Variants in ENTREP2 observed in about 807,000 individuals in gnomAD.
ENTREP2 encodes the protein protein ENTREP2.
chr15:29,625,247 C>A, the ENTREP2 span, among the ~76,000 whole-genome samples: 3 of 151,864 alleles, frequency 2.0e-5, no homozygotes, highest in African/African-American at 7.3e-5. Flanking sequence ...TATGGATGAA[C>A]CAGTTTGTTC....
At chr15:29,615,383 T>A in the ENTREP2 span, among the ~76,000 whole-genome samples, 676 of 152,240 alleles carry the variant, frequency 4.4e-3, 6 homozygotes, top group African/African-American at 0.016. Flanking sequence ...CTCGAACTCC[T>A]GACCTCAGGT....
chr15:29,496,927 A>G, the ENTREP2 span, among the ~76,000 whole-genome samples: 1 of 152,194 alleles, frequency 6.6e-6, no homozygotes, highest in Admixed American at 6.5e-5. Flanking sequence ...ACAAGTTGGA[A>G]GATGTTCCTT....
chr15:29,388,950 A>T, the ENTREP2 span, among the ~76,000 whole-genome samples: 4 of 114,044 alleles, frequency 3.5e-5, no homozygotes, highest in Non-Finnish European at 6.7e-5. Flanking sequence ...AACATCACAC[A>T]CCGGGGCCTG....
At chr15:29,326,221 A>G in the ENTREP2 span, among the ~76,000 whole-genome samples, 1 of 152,198 alleles carries the variant, frequency 6.6e-6, no homozygotes, top group African/African-American at 2.4e-5. Flanking sequence ...TAGAAGTCCT[A>G]GCTAGTGCAA....
the ENTREP2 span, among the ~76,000 whole-genome samples, chr15:29,533,464 G>T: frequency 6.6e-6 from 1 of 152,186 alleles, no homozygotes; most frequent in African/African-American, 2.4e-5. Context: ...TAGACTCGGG[G>T]ATAAGAAATA....
the ENTREP2 span, among the ~76,000 whole-genome samples, chr15:29,548,869 T>C: frequency 6.6e-6 from 1 of 152,168 alleles, no homozygotes; most frequent in Non-Finnish European, 1.5e-5. Flanking sequence ...TCAGGGAACC[T>C]ACTGGCTCTG....
the ENTREP2 span, among the ~76,000 whole-genome samples, chr15:29,434,610 T>A: frequency 1.1e-4 from 17 of 151,956 alleles, no homozygotes; most frequent in African/African-American, 4.1e-4. Flanking sequence ...GAGAAAAGAA[T>A]CTCACTCTCG....
At chr15:29,566,244 C>A in the ENTREP2 span, among the ~76,000 whole-genome samples, 48 of 151,726 alleles carry the variant, frequency 3.2e-4, no homozygotes, top group Non-Finnish European at 6.8e-4. Flanking sequence ...CTGCAAGCTC[C>A]GCCTCCTGGG....
At chr15:29,525,987 T>G in the ENTREP2 span, among the ~76,000 whole-genome samples, 2 of 152,216 alleles carry the variant, frequency 1.3e-5, no homozygotes, top group Non-Finnish European at 2.9e-5. Context: ...CAAGTTTAAC[T>G]GATTTATTTC....
At chr15:29,465,927 A>G in the ENTREP2 span, among the ~76,000 whole-genome samples, 770 of 152,312 alleles carry the variant, frequency 5.1e-3, 7 homozygotes, top group African/African-American at 0.018. Context: ...TTGTGGCCTG[A>G]GATCTGGCAT....
the ENTREP2 span, among the ~76,000 whole-genome samples, chr15:29,126,769 C>T: frequency 1.3e-5 from 2 of 152,216 alleles, no homozygotes; most frequent in African/African-American, 2.4e-5. Context: ...GGTCACAAGA[C>T]GCTTTGGTCT....
chr15:29,341,749 G>C, the ENTREP2 span, among the ~76,000 whole-genome samples: 1 of 152,086 alleles, frequency 6.6e-6, no homozygotes, highest in African/African-American at 2.4e-5. Context: ...TCTGGGCCTG[G>C]AGCCTGCAGG....
the ENTREP2 span, among the ~76,000 whole-genome samples, chr15:29,438,550 T>C: frequency 6.6e-6 from 1 of 151,850 alleles, no homozygotes; most frequent in Non-Finnish European, 1.5e-5. Context: ...AGAGACCCCC[T>C]GAGGCCAGCC....
the ENTREP2 span, among the ~76,000 whole-genome samples, chr15:29,309,788 C>CAAAA: frequency 1.3e-4 from 15 of 118,288 alleles, no homozygotes; most frequent in African/African-American, 4.0e-4. Flanking sequence ...GACTCTGTCT[C>CAAAA]AAAAAAAAAA....
the ENTREP2 span, among the ~76,000 whole-genome samples, chr15:29,255,727 C>A: frequency 2.0e-5 from 3 of 152,128 alleles, no homozygotes; most frequent in East Asian, 5.8e-4. Context: ...CATGGCCAGG[C>A]GCGGTGGCTC....
chr15:29,662,211 CA>C, the ENTREP2 span, among the ~76,000 whole-genome samples: 5,302 of 46,866 alleles, frequency 0.11, 70 homozygotes, highest in African/African-American at 0.18. Context: ...AACCCTGTCG[CA>C]AAAAAAAAAA....
the ENTREP2 span, among the ~76,000 whole-genome samples, chr15:29,423,071 C>A: frequency 1.3e-5 from 2 of 152,086 alleles, no homozygotes; most frequent in Non-Finnish European, 2.9e-5. Context: ...CATAGTATAC[C>A]CTTTTCATGC....
the ENTREP2 span, among the ~76,000 whole-genome samples, chr15:29,240,888 T>C: frequency 6.6e-6 from 1 of 152,166 alleles, no homozygotes; most frequent in African/African-American, 2.4e-5. Context: ...TCAGGAAAGT[T>C]AGCGACCATC....
At chr15:29,367,403 G>A in the ENTREP2 span, among the ~76,000 whole-genome samples, 19 of 152,172 alleles carry the variant, frequency 1.2e-4, no homozygotes, top group African/African-American at 4.1e-4. Flanking sequence ...AGCTCACCCA[G>A]TGTGAACAGT....
Sources: allele counts gnomAD v4.1 joint callset (sites outside exome capture counted in the v4.1 genomes callset), GRCh38; gene constraint gnomAD v4.1.1; transcripts MANE v1.5; gene names NCBI Gene and HGNC (gene_info 2026-07-23, HGNC 2026-07-21).